The following SMG6 variants were observed in gnomAD, a reference collection of about 807,000 sequenced individuals.
The protein encoded by SMG6 is telomerase-binding protein EST1A.
SMG6 carries 66 observed loss-of-function variants against 142.2 expected under a neutral mutation model. That is an observed-to-expected ratio of 0.46 (90% CI 0.38 to 0.57). The LOEUF (loss-of-function observed/expected upper bound fraction) is 0.57. SMG6 is among the 20% of genes least tolerant of loss of function. SMG6 has a pLI of 0.00. For missense variants in SMG6, 1,793 were observed against 1,832.0 expected (o/e 0.98, Z 0.39); for synonymous variants, 779 against 702.4 (o/e 1.11, Z -1.72).
intron 5 of SMG6, 92 bp downstream of exon 5, chr17:2,292,778 AC>A (rs2075067076): frequency 1.5e-6 from 2 of 1,364,412 alleles, no homozygotes; most frequent in Non-Finnish European, 2.1e-6. Flanking sequence ...CAATAGGGAC[AC>A]CTGTACAACA....
At chr17:2,227,041 T>C (rs1326236364) in intron 10 of SMG6, among the ~76,000 whole-genome samples, 1 of 152,134 alleles carries the variant, frequency 6.6e-6, no homozygotes, top group African/African-American at 2.4e-5. Flanking sequence ...GCACCACACA[T>C]TTACTAGAAT....
intron 13 of SMG6, among the ~76,000 whole-genome samples, chr17:2,123,794 G>T (rs2069780033): frequency 6.6e-6 from 1 of 152,170 alleles, no homozygotes; most frequent in Non-Finnish European, 1.5e-5. Context: ...GTATATGTTT[G>T]TGCTCATCTG....
At chr17:2,156,818 T>C (rs576097719) in intron 13 of SMG6, among the ~76,000 whole-genome samples, 3 of 152,304 alleles carry the variant, frequency 2.0e-5, no homozygotes, top group East Asian at 3.9e-4. Flanking sequence ...CATGCCTGGC[T>C]AATTTTTATT....
At chr17:2,280,484 C>T (rs1001119749) in intron 8 of SMG6, 5 of 515,348 alleles carry the variant, frequency 9.7e-6, no homozygotes, top group South Asian at 8.4e-5. Context: ...AGGCTGGTCT[C>T]GAACTCCTGA....
chr17:2,061,800 GCCT>G, intron 18 of SMG6, 178 bp from the exon 19 acceptor site: 1 of 658,560 alleles, frequency 1.5e-6, no homozygotes, highest in Non-Finnish European at 2.6e-6. Context: ...TCCCCTGCTG[GCCT>G]AGAGAGGGCT....
rs561555497 is a variant in SMG6, at chr17:2,151,436, C to T, written c.3357+21222G>A. On this transcript the variant is annotated intron_variant, in intron 13 of 18. Transcript: ENST00000263073. ...AAGACATGCAAATAACTGAGATTCA[C>T]GAAGGCTCAGAAATTCTTCTCTGAA... Among the ~76,000 whole-genome samples, 21 of 151,032 alleles carry T rather than the reference C, an allele frequency of 1.4e-4. No individual in the cohort carries two copies. In the South Asian group the frequency reaches 2.7e-3, roughly 19 times the overall value.
Position 2,252,542 on chromosome 17 carries a change from G to A in SMG6, c.2662-7823C>T, listed in dbSNP as rs79424444. ...TCTTAAGAGTTGAAAACCTGGGTTCGAATTTTGGTCATGCCATTTATTTGC... is the reference window on the plus strand; with the variant it reads ...TCTTAAGAGTTGAAAACCTGGGTTCAAATTTTGGTCATGCCATTTATTTGC... On this transcript the variant is annotated intron_variant, in intron 8 of 18. Transcript: ENST00000263073. Among the ~76,000 whole-genome samples the A allele has an allele frequency of 2.0e-3, 307 of 152,306 alleles. 1 individual carries two copies. Among genetic ancestry groups the A allele is most frequent in the African/African-American group, 7.0e-3 (293 of 41,564 alleles).
intron 10 of SMG6, among the ~76,000 whole-genome samples, chr17:2,193,026 AAC>A (rs2072214294): frequency 6.6e-6 from 1 of 152,202 alleles, no homozygotes; most frequent in African/African-American, 2.4e-5. Flanking sequence ...AGCAAGTCAT[AAC>A]ATTTCCCTAA....
rs1279656553 is a variant in SMG6, at chr17:2,254,485, C to T, written c.2662-9766G>A. 2.0e-5 allele frequency among the ~76,000 whole-genome samples: 3 copies of T among 152,144 alleles called. No homozygotes were observed. The East Asian group carries it at 5.8e-4, about 29-fold the overall frequency. On this transcript the variant is annotated intron_variant, in intron 8 of 18. Transcript: ENST00000263073. ...AAGTAGCTGGGACTAGAAGCACGTG[C>T]CACCAAGCCCGGCCAATTTTTGTAT...
At chr17:2,222,723 C>A (rs2073212290) in intron 10 of SMG6, among the ~76,000 whole-genome samples, 1 of 151,918 alleles carries the variant, frequency 6.6e-6, no homozygotes, top group African/African-American at 2.4e-5. Context: ...GTAAGGGGTA[C>A]AAAAAGAGAC....
In SMG6 at chr17:2,072,253, C is replaced by T. The variant is rs750090683; in HGVS notation, c.3682-3322G>A. 5.0e-4 allele frequency among the ~76,000 whole-genome samples: 76 copies of T among 152,222 alleles called. 1 individual carries two copies. The highest frequency in any genetic ancestry group is 3.9e-3 in the Admixed American group (59 of 15,290). On this transcript the variant is annotated intron_variant, in intron 15 of 18. Transcript: ENST00000263073. ...CCTGGCATGGAGTCAAGCGTGCTGA[C>T]CCGGAAGGAGAGTTCCACAGGAACC...
At chr17:2,140,412 C>T (rs1402501264) in intron 13 of SMG6, among the ~76,000 whole-genome samples, 1 of 152,156 alleles carries the variant, frequency 6.6e-6, no homozygotes, top group African/African-American at 2.4e-5. Flanking sequence ...TGGCTCACAC[C>T]TGTAATCCCA....
intron 14 of SMG6, 62 bp from the exon 15 acceptor site, chr17:2,082,018 C>G: frequency 6.3e-7 from 1 of 1,581,678 alleles, no homozygotes; most frequent in Non-Finnish European, 8.7e-7. Flanking sequence ...ATGGCTCTTA[C>G]TGAACCCAAC....
chr17:2,124,580 G>C (rs559159029), intron 13 of SMG6, among the ~76,000 whole-genome samples: 80 of 152,266 alleles, frequency 5.3e-4, no homozygotes, highest in Middle Eastern at 3.4e-3. Context: ...GGAGAGCTGT[G>C]TCTCTTACCC....
intron 10 of SMG6, among the ~76,000 whole-genome samples, chr17:2,197,083 T>A (rs1482638864): frequency 6.6e-6 from 1 of 152,160 alleles, no homozygotes; most frequent in Non-Finnish European, 1.5e-5. Context: ...GACTAAGAGT[T>A]CTAAGACTTA....
intron 10 of SMG6, among the ~76,000 whole-genome samples, chr17:2,216,191 T>C (rs2073014969): frequency 6.6e-6 from 1 of 152,136 alleles, no homozygotes; most frequent in Non-Finnish European, 1.5e-5. Context: ...AGATGGCAGG[T>C]ACCACGATGG....
At position 2,068,739 on chromosome 17, in the gene SMG6, G is replaced by A. The variant is rs1199486780; in HGVS notation, c.3835+39C>T. On this transcript the variant is annotated intron_variant, in intron 16 of 18. Transcript: ENST00000263073. This position sits in a 1 kb window ranked among gnomAD's most constrained non-coding sequence, Gnocchi z 6.7. ...GGGCGTGTGTGGAGGGGGCTGCTGT[G>A]CACATGCAAGGCCGCTCTGCCCTTC... 1 of 1,601,412 alleles carries A rather than the reference G, an allele frequency of 6.2e-7. No homozygotes were observed. The highest frequency in any genetic ancestry group is 1.3e-5 in the African/African-American group (1 of 74,848).
At chr17:2,245,268 T>G (rs927015746) in intron 8 of SMG6, among the ~76,000 whole-genome samples, 1 of 152,164 alleles carries the variant, frequency 6.6e-6, no homozygotes, top group Non-Finnish European at 1.5e-5. Flanking sequence ...AAAATTCAAG[T>G]GTCTAAAGGG....
At position 2,091,832 on chromosome 17, in the gene SMG6, A is replaced by G. The variant is rs376285840; in HGVS notation, c.3358-5931T>C. The stretch of plus-strand genomic sequence containing the variant: ...ACTACAGGCACCCGCCACCACGCCC[A>G]GCTAATTTTGTGTGTGTGTGTGTTT... On this transcript the variant is annotated intron_variant, in intron 13 of 18. Transcript: ENST00000263073. Among the ~76,000 whole-genome samples the G allele has an allele frequency of 2.2e-3, 273 of 122,416 alleles. 1 individual carries two copies. The highest frequency in any genetic ancestry group is 4.5e-3 in the African/African-American group (150 of 33,234). The allele number at this position is 122,416 out of a possible 152,430, so 80.3% of individuals were successfully genotyped here.
Sources: allele counts gnomAD v4.1 joint callset (sites outside exome capture counted in the v4.1 genomes callset), GRCh38; gene constraint gnomAD v4.1.1; non-coding constraint Gnocchi (gnomAD v3.1); transcripts MANE v1.5; gene names NCBI Gene and HGNC (gene_info 2026-07-23, HGNC 2026-07-21).